The following CLTCL1 variants were observed in gnomAD, a reference collection of about 807,000 sequenced individuals.
The protein encoded by CLTCL1 is clathrin heavy chain like 1.
Under a neutral mutation model 190.0 loss-of-function variants are expected in CLTCL1, and 159 were observed. The ratio of observed to expected loss-of-function variants is 0.84; its 90% CI spans 0.74 to 0.95. CLTCL1 has a LOEUF of 0.95. Ranked by LOEUF, CLTCL1 falls within the 40% of genes least tolerant of loss-of-function variation. CLTCL1 has a pLI of 0.00. For missense variants in CLTCL1, 1,878 were observed against 2,033.4 expected, an observed-to-expected ratio of 0.92 and a Z score of 1.47; for synonymous variants, 752 against 769.6, an observed-to-expected ratio of 0.98 and a Z score of 0.38.
intron 1 of CLTCL1, among the ~76,000 whole-genome samples, chr22:19,278,880 T>C (rs1261400001): frequency 1.8e-4 from 28 of 152,172 alleles, no homozygotes; most frequent in Admixed American, 1.8e-3. Context: ...TAGCTGGGAT[T>C]ACAGGCACTC....
At chr22:19,232,306 T>C (rs547181103) in intron 10 of CLTCL1, among the ~76,000 whole-genome samples, 170 bp downstream of exon 10, 23 of 152,222 alleles carry the variant, frequency 1.5e-4, no homozygotes, top group African/African-American at 4.8e-4. Context: ...AGTACTCACA[T>C]AGTAAAGACT....
Position 19,254,070 on chromosome 22 carries a change from G to A in CLTCL1, c.408C>T (p.Ser136=), listed in dbSNP as rs782811651. Residue 136 remains serine (S), a synonymous_variant, in exon 3 of 33, where the codon TCC becomes TCT. Transcript: ENST00000427926. ...GTCTATCAAACATCTTCATGGGCTG[G>A]GAGTCACCTTCCATGCTCCAGTGGT... ...AVYHWSMEGD[S]QPMKMFDRHT... is the part of the protein sequence containing the mutation. The A allele has an allele frequency of 1.2e-6, 2 of 1,612,240 alleles. No individual in the cohort carries two copies. Among genetic ancestry groups the A allele is most frequent in the Non-Finnish European group, 1.7e-6 (2 of 1,179,082 alleles).
chr22:19,265,935 C>T (rs1850955198), intron 2 of CLTCL1, among the ~76,000 whole-genome samples: 1 of 152,210 alleles, frequency 6.6e-6, no homozygotes, highest in African/African-American at 2.4e-5. Flanking sequence ...TGCAATGGCA[C>T]TATCCCAGCT....
intron 20 of CLTCL1, chr22:19,209,422 A>G (rs1555945210): frequency 3.6e-6 from 1 of 281,326 alleles, no homozygotes; most frequent in South Asian, 7.5e-5. Flanking sequence ...TTGGGAGGAA[A>G]GACAGTGCAA....
chr22:19,239,422 C>CACCACA, intron 4 of CLTCL1, 34 bp from the exon 5 acceptor site: 1 of 1,536,404 alleles, frequency 6.5e-7, no homozygotes, highest in Non-Finnish European at 9.0e-7. Context: ...TCAAGGGGAC[C>CACCACA]GCCTGTGGTG....
chr22:19,267,974 G>GA (rs1373500299), intron 2 of CLTCL1, among the ~76,000 whole-genome samples: 136 of 148,476 alleles, frequency 9.2e-4, no homozygotes, highest in Middle Eastern at 3.4e-3. Flanking sequence ...ATCCATTAAA[G>GA]AAAAAAAAAA....
chr22:19,187,962 C>T lies in CLTCL1; in HGVS notation c.4434+19G>A. On this transcript the variant is annotated intron_variant, in intron 28 of 32. Transcript: ENST00000427926. The stretch of plus-strand genomic sequence containing the variant: ...GGAGCCCAGCCCACCCAGGACAGGG[C>T]TCCTTCCTGCACACCCACCTGATAG... 1 of 1,607,344 alleles carries T rather than the reference C, an allele frequency of 6.2e-7. No homozygotes were observed. The highest frequency in any genetic ancestry group is 8.5e-7 in the Non-Finnish European group (1 of 1,174,096).
chr22:19,185,702 C>T lies in CLTCL1; in HGVS notation c.4605+1856G>A, dbSNP rs963260278. Among the ~76,000 whole-genome samples the T allele has an allele frequency of 7.2e-5, 11 of 152,254 alleles. 1 individual carries two copies. The highest frequency in any genetic ancestry group is 4.1e-4 in the South Asian group (2 of 4,838). On this transcript the variant is annotated intron_variant, in intron 29 of 32. Coordinates refer to ENST00000427926, the MANE Select transcript of CLTCL1 (RefSeq NM_007098.4). ...GGCCCACGTGGCTCGGAGTGGGTGGCTGGCAAGGCCAGTAGGCCTCTGGCA... is the reference window on the plus strand; with the variant it reads ...GGCCCACGTGGCTCGGAGTGGGTGGTTGGCAAGGCCAGTAGGCCTCTGGCA...
intron 23 of CLTCL1, 47 bp downstream of exon 23, chr22:19,201,282 C>T (rs1290460853): frequency 3.9e-6 from 6 of 1,555,980 alleles, no homozygotes; most frequent in South Asian, 2.3e-5. Flanking sequence ...ACACGGAGAG[C>T]GTGCCTGTCC....
chr22:19,284,861 A>G (rs1354708155), intron 1 of CLTCL1, among the ~76,000 whole-genome samples: 1 of 152,208 alleles, frequency 6.6e-6, no homozygotes, highest in Non-Finnish European at 1.5e-5. Context: ...GGCTGAAGCC[A>G]GGAGAATCGC....
At chr22:19,240,183 C>T (rs807469) in intron 4 of CLTCL1, among the ~76,000 whole-genome samples, 9,392 of 151,668 alleles carry the variant, frequency 0.062, 351 homozygotes, top group Middle Eastern at 0.16. Flanking sequence ...CTCAAACTCC[C>T]GACCCCACCT....
intron 32 of CLTCL1, 77 bp from the exon 33 acceptor site, chr22:19,180,046 C>G: frequency 7.5e-6 from 5 of 663,656 alleles, no homozygotes; most frequent in Non-Finnish European, 1.0e-5. Flanking sequence ...CCTGAGTAGC[C>G]CGGGGCCCAG....
At chr22:19,250,320 C>G (rs1308675271) in intron 3 of CLTCL1, among the ~76,000 whole-genome samples, 1 of 149,802 alleles carries the variant, frequency 6.7e-6, no homozygotes, top group South Asian at 2.1e-4. Flanking sequence ...TTTTCTGGGA[C>G]TCATCTGTTC....
chr22:19,223,084 A>G (rs1445329533), intron 14 of CLTCL1, among the ~76,000 whole-genome samples: 1 of 152,238 alleles, frequency 6.6e-6, no homozygotes, highest in African/African-American at 2.4e-5. Flanking sequence ...CAAGCAGCTC[A>G]TTATGTGCAA....
chr22:19,203,482 A>G (rs1007121967), intron 22 of CLTCL1, among the ~76,000 whole-genome samples: 4 of 152,106 alleles, frequency 2.6e-5, no homozygotes, highest in Non-Finnish European at 5.9e-5. Context: ...CACTCCAATC[A>G]GGCTTCTGCC....
intron 24 of CLTCL1, 59 bp downstream of exon 24, chr22:19,199,675 C>T: frequency 7.5e-7 from 1 of 1,337,252 alleles, no homozygotes; most frequent in Non-Finnish European, 1.0e-6. Flanking sequence ...CCGTGCCTCT[C>T]TGTGGAGTGT....
At chr22:19,205,060 G>A (rs1197446833) in intron 22 of CLTCL1, among the ~76,000 whole-genome samples, 17 of 150,682 alleles carry the variant, frequency 1.1e-4, no homozygotes, top group Admixed American at 1.0e-3. Flanking sequence ...TGGATTATAA[G>A]GGCAATTTCT....
At chr22:19,276,752 C>G (rs2087521045) in intron 1 of CLTCL1, among the ~76,000 whole-genome samples, 1 of 152,260 alleles carries the variant, frequency 6.6e-6, no homozygotes, top group East Asian at 1.9e-4. Context: ...TCACTGCAAG[C>G]TCCGCCTCCC....
Position 19,235,809 on chromosome 22 carries a change from C to T in CLTCL1, c.856G>A (p.Asp286Asn), listed in dbSNP as rs191439705. ...CAGATGCACACGCCAGACTCTAGGT[C>T]GTACAGATGAAGATAGCCATACTTT... is the stretch of plus-strand genomic sequence containing the variant. ...ITKYGYLHLY[D>N]LESGVCICMN... is the part of the protein sequence containing the mutation. Residue 286 changes from aspartate to asparagine, a missense_variant, in exon 6 of 33, where the codon GAC becomes AAC. Transcript: ENST00000427926. 13 of 1,613,774 alleles carry T rather than the reference C, an allele frequency of 8.1e-6. No individual in the cohort carries two copies. Among genetic ancestry groups the T allele is most frequent in the South Asian group, 6.6e-5 (6 of 91,058 alleles).
Sources: gnomAD v4.1 joint callset for allele counts (sites outside exome capture counted in the v4.1 genomes callset) on GRCh38, gnomAD v4.1.1 for gene constraint, MANE v1.5 for transcripts, NCBI Gene and HGNC (gene_info 2026-07-23, HGNC 2026-07-21) for gene names.